Variants in LMF1 observed in about 807,000 individuals in gnomAD.
LMF1 encodes the protein transmembrane protein 112.
LMF1 carries 68 observed loss-of-function variants against 60.6 expected under a neutral mutation model. The observed-to-expected ratio is 1.12, with a 90% confidence interval of 0.92 to 1.37. The LOEUF is 1.37. Among genes scored for constraint, LMF1 ranks in the 40% most tolerant of loss-of-function variants. The pLI, the probability that LMF1 is intolerant of heterozygous loss-of-function variation, is 0.00. For missense variants in LMF1, 948 were observed against 767.2 expected (o/e 1.24, Z -2.78); for synonymous variants, 418 against 324.7 (o/e 1.29, Z -3.09).
chr16:949,029 T>C (rs75609475), intron 2 of LMF1, among the ~76,000 whole-genome samples: 2,049 of 42,660 alleles, frequency 0.048, 250 homozygotes, highest in African/African-American at 0.14. Context: ...AGTCAGTCAA[T>C]GACAGAGTCA....
rs7193172 is a variant in LMF1, at chr16:878,034, A to G, written c.897+1536T>C. Among the ~76,000 whole-genome samples, 4,844 of 150,082 alleles carry G rather than the reference A, an allele frequency of 0.032. 253 individuals are homozygous for G. The highest frequency in any genetic ancestry group is 0.11 in the African/African-American group (4,529 of 40,696). ...CTATTCCAGGAGCCCCCAAACACAC[A>G]TGGGGTCTGGCTACACGGAACCGAC... is the stretch of plus-strand genomic sequence containing the variant. On this transcript the variant is annotated intron_variant, in intron 6 of 10. Coordinates refer to ENST00000262301, the MANE Select transcript of LMF1 (RefSeq NM_022773.4). This position sits in a 1 kb window ranked among gnomAD's most constrained non-coding sequence, Gnocchi z 5.2.
chr16:892,697 C>A (rs1398434232), intron 5 of LMF1, among the ~76,000 whole-genome samples: 2 of 152,214 alleles, frequency 1.3e-5, no homozygotes, highest in Non-Finnish European at 2.9e-5. Flanking sequence ...GCTGTGGACT[C>A]CAGGAAGGAG....
At chr16:892,867 G>A in intron 5 of LMF1, 140 bp downstream of exon 5, 2 of 639,520 alleles carry the variant, frequency 3.1e-6, no homozygotes, top group African/African-American at 1.8e-5. Context: ...GTGAAGGGAG[G>A]GAGAGGACGT....
chr16:904,422 G>A (rs1366976959), intron 4 of LMF1, among the ~76,000 whole-genome samples: 5 of 121,692 alleles, frequency 4.1e-5, no homozygotes, highest in Non-Finnish European at 3.3e-5. Flanking sequence ...TCTCTGCTGC[G>A]TGGTGGTGAC....
upstream of LMF1, chr16:975,861 C>T (rs922464576): frequency 2.2e-6 from 1 of 452,192 alleles, no homozygotes; most frequent in Non-Finnish European, 4.4e-6. Context: ...GGCCAGGGCC[C>T]ATTTCGAGAA....
At chr16:875,977 A>G (rs1041714649) in intron 6 of LMF1, among the ~76,000 whole-genome samples, 6 of 146,778 alleles carry the variant, frequency 4.1e-5, no homozygotes, top group African/African-American at 1.6e-4. Context: ...CCTGGAACAC[A>G]CCCCTCCATT....
chr16:861,468 C>G (rs1003133752), intron 10 of LMF1, among the ~76,000 whole-genome samples: 1 of 149,404 alleles, frequency 6.7e-6, no homozygotes, highest in African/African-American at 2.5e-5. Context: ...AGCAATTCTC[C>G]TACCTCAGCC....
intron 5 of LMF1, chr16:883,773 C>T (rs1291775664): frequency 6.6e-6 from 1 of 152,180 alleles, no homozygotes; most frequent in Non-Finnish European, 1.5e-5. Flanking sequence ...AGGAAAACAA[C>T]ACCAGATAAC....
At position 866,400 on chromosome 16, in the gene LMF1, GC is replaced by G. The variant is rs1220471112; in HGVS notation, c.1529+2543del. Among the ~76,000 whole-genome samples the G allele has an allele frequency of 5.3e-5, 8 of 152,274 alleles. No individual in the cohort carries two copies. The East Asian group carries it at 1.5e-3, about 29-fold the overall frequency. ...CCTCCATGACACTATGGCGGGGGTGGCCTAGTCATTGCTGGCTGGGTGGTGG... is the reference window on the plus strand; with the variant it reads ...CCTCCATGACACTATGGCGGGGGTGGCTAGTCATTGCTGGCTGGGTGGTGG... On this transcript the variant is annotated intron_variant, in intron 10 of 10. Transcript: ENST00000262301.
At chr16:880,620 C>G (rs567682102) in intron 5 of LMF1, among the ~76,000 whole-genome samples, 1 of 152,242 alleles carries the variant, frequency 6.6e-6, no homozygotes, top group South Asian at 2.1e-4. Context: ...CAGTGAGCCA[C>G]GACTGTGCCA....
intron 4 of LMF1, among the ~76,000 whole-genome samples, chr16:909,207 G>A (rs1596970169): frequency 6.6e-6 from 1 of 152,186 alleles, no homozygotes; most frequent in South Asian, 2.1e-4. Context: ...CACTGGCTAA[G>A]GGCTGGCGCA....
Position 954,009 on chromosome 16 carries a change from G to A in LMF1, c.503+348C>T, listed in dbSNP as rs565235946. Among the ~76,000 whole-genome samples the A allele has an allele frequency of 8.6e-4, 78 of 90,860 alleles. 6 individuals carry two copies. The highest frequency in any genetic ancestry group is 1.3e-3 in the Admixed American group (11 of 8,652). 59.6% of individuals were successfully genotyped at this position (90,860 alleles called of 152,430 possible). ...GACACCCCAAACCAGCCTCCTACACGTCCACACAGACACCCACCCCAAACC... is the reference window on the plus strand; with the variant it reads ...GACACCCCAAACCAGCCTCCTACACATCCACACAGACACCCACCCCAAACC... On this transcript the variant is annotated intron_variant, in intron 2 of 10. Coordinates refer to ENST00000262301, the MANE Select transcript of LMF1 (RefSeq NM_022773.4).
At chr16:918,397 A>T (rs1353945759) in intron 3 of LMF1, among the ~76,000 whole-genome samples, 1 of 152,172 alleles carries the variant, frequency 6.6e-6, no homozygotes, top group African/African-American at 2.4e-5. Context: ...AGCTATCTTT[A>T]TTGGTTTTGG....
At chr16:887,153 C>T (rs1245928934) in intron 5 of LMF1, 7 of 151,974 alleles carry the variant, frequency 4.6e-5, no homozygotes, top group Non-Finnish European at 1.0e-4. Flanking sequence ...GCTGGCAGCC[C>T]ACGGCTCCTG....
At chr16:923,128 G>C (rs528004282) in intron 3 of LMF1, among the ~76,000 whole-genome samples, 1 of 152,088 alleles carries the variant, frequency 6.6e-6, no homozygotes, top group African/African-American at 2.4e-5. Flanking sequence ...CGGGTGTGAT[G>C]TGGTGTTGGC....
At chr16:873,194 A>G (rs1352965634) in intron 6 of LMF1, 1 of 152,390 alleles carries the variant, frequency 6.6e-6, no homozygotes, top group East Asian at 1.9e-4. Context: ...TTCCGCGTAG[A>G]GTGCACGGCC....
At chr16:884,988 G>T (rs891745400) in intron 5 of LMF1, 4 of 152,272 alleles carry the variant, frequency 2.6e-5, no homozygotes, top group Non-Finnish European at 5.9e-5. Flanking sequence ...TCCGGAAATG[G>T]TAAGTATATG....
chr16:950,088 C>T (rs1428781807), intron 2 of LMF1, among the ~76,000 whole-genome samples: 1 of 102,608 alleles, frequency 9.7e-6, no homozygotes, highest in Admixed American at 9.8e-5. Flanking sequence ...GAGACAACGA[C>T]AGAGTCAGAG....
intron 5 of LMF1, among the ~76,000 whole-genome samples, chr16:890,239 G>A (rs962172971): frequency 1.3e-5 from 2 of 152,196 alleles, no homozygotes; most frequent in African/African-American, 4.8e-5. Context: ...GCGCCGCACT[G>A]CTCTGAACGC....
Sources: allele counts gnomAD v4.1 joint callset (sites outside exome capture counted in the v4.1 genomes callset), GRCh38; gene constraint gnomAD v4.1.1; non-coding constraint Gnocchi (gnomAD v3.1); transcripts MANE v1.5; gene names NCBI Gene and HGNC (gene_info 2026-07-23, HGNC 2026-07-21).